Variants in DNAH14 observed in about 807,000 individuals in gnomAD.
The protein encoded by DNAH14 is axonemal beta dynein heavy chain 14.
DNAH14 carries 478 observed loss-of-function variants against 520.9 expected under a neutral mutation model. That is an observed-to-expected ratio of 0.92 (90% CI 0.85 to 0.99). The LOEUF is 0.99. Among genes scored for constraint, DNAH14 ranks in the 50% least tolerant of loss-of-function variants. DNAH14 has a pLI of 0.00. For synonymous variants in DNAH14, 1,581 were observed against 1,757.2 expected (o/e 0.90, Z 2.51); for missense variants, 4,831 against 5,234.5 (o/e 0.92, Z 2.38).
intron 41 of DNAH14, among the ~76,000 whole-genome samples, chr1:225,216,712 C>T (rs1370485698): frequency 2.6e-5 from 4 of 152,180 alleles, no homozygotes; most frequent in Admixed American, 2.0e-4. Flanking sequence ...GTGCATCTGT[C>T]ATGTAGTTCT....
intron 15 of DNAH14, among the ~76,000 whole-genome samples, chr1:225,049,754 C>G (rs1218211291): frequency 1.4e-5 from 2 of 143,466 alleles, no homozygotes; most frequent in Non-Finnish European, 3.0e-5. Flanking sequence ...GTTTGTTTAT[C>G]TATCTGTCTA....
rs568161689 is a variant in DNAH14 at position 225,117,916 on chromosome 1, A to G, written c.4008A>G (p.Gln1336=). Residue 1336 remains glutamine (Q), a synonymous_variant, in exon 25 of 86, where the codon CAA becomes CAG. Coordinates refer to ENST00000682510, the MANE Select transcript of DNAH14 (RefSeq NM_001367479.1). ...TGAAATGCTTTGAAAATATAAAACA[A>G]TTATTGATATGGAAACAAGACATTG... The part of the protein sequence containing the change: ...HLVKCFENIK[Q]LLIWKQDIGP... The G allele has an allele frequency of 4.3e-5, 67 of 1,551,048 alleles. No individual in the cohort carries two copies. The African/African-American group carries it at 8.5e-4, about 20-fold the overall frequency.
chr1:225,105,371 G>A (rs964134836), intron 23 of DNAH14, among the ~76,000 whole-genome samples: 28 of 152,266 alleles, frequency 1.8e-4, no homozygotes, highest in African/African-American at 5.8e-4. Flanking sequence ...TGTTGATTTG[G>A]GGTGGAGAGT....
intron 38 of DNAH14, among the ~76,000 whole-genome samples, chr1:225,196,095 G>C (rs2086097044): frequency 6.6e-6 from 1 of 151,958 alleles, no homozygotes; most frequent in Admixed American, 6.6e-5. Context: ...GTGGTGATTT[G>C]CGAGATTTTG....
chr1:225,008,079 C>T (rs2064335127), intron 10 of DNAH14, among the ~76,000 whole-genome samples: 1 of 152,012 alleles, frequency 6.6e-6, no homozygotes, highest in East Asian at 1.9e-4. Flanking sequence ...CCCCTTACCC[C>T]CAACCCCGCG....
chr1:225,068,584 G>A (rs893905623), intron 17 of DNAH14, among the ~76,000 whole-genome samples: 12 of 152,186 alleles, frequency 7.9e-5, no homozygotes, highest in Non-Finnish European at 1.6e-4. Context: ...CATGAGCATG[G>A]AATGTTTCTC....
At chr1:225,147,921 A>T (rs2080104879) in intron 31 of DNAH14, among the ~76,000 whole-genome samples, 1 of 152,194 alleles carries the variant, frequency 6.6e-6, no homozygotes, top group Admixed American at 6.5e-5. Flanking sequence ...TGCTTTGGAT[A>T]ATGGCTTCCA....
At chr1:225,351,905 T>C (rs1173437456) in intron 72 of DNAH14, 22 bp downstream of exon 72, 3 of 1,530,046 alleles carry the variant, frequency 2.0e-6, no homozygotes, top group East Asian at 4.9e-5. Flanking sequence ...TTCAGTGTTT[T>C]AACCTAACTT....
chr1:225,267,292 C>CTTTT (rs776025994), intron 49 of DNAH14, among the ~76,000 whole-genome samples: 13 of 131,364 alleles, frequency 9.9e-5, no homozygotes, highest in East Asian at 2.3e-4. Context: ...GAATGGCTTC[C>CTTTT]TTTTTTTTTT....
intron 60 of DNAH14, among the ~76,000 whole-genome samples, chr1:225,312,999 A>G (rs1163101271): frequency 6.6e-6 from 1 of 152,182 alleles, no homozygotes; most frequent in Non-Finnish European, 1.5e-5. Flanking sequence ...ATTGTTCAAA[A>G]TAGTTTCAGA....
intron 26 of DNAH14, among the ~76,000 whole-genome samples, chr1:225,119,530 C>T (rs2148872122): frequency 6.6e-6 from 1 of 152,188 alleles, no homozygotes; most frequent in Non-Finnish European, 1.5e-5. Flanking sequence ...AGAGTGTTTA[C>T]ATGCACAACC....
intron 1 of DNAH14, among the ~76,000 whole-genome samples, chr1:224,935,375 A>G (rs1328263326): frequency 6.6e-6 from 1 of 151,926 alleles, no homozygotes; most frequent in Non-Finnish European, 1.5e-5. Context: ...ATAGATTGAA[A>G]GTAAAGGGAT....
At chr1:225,169,769 C>A (rs114928540) in intron 36 of DNAH14, among the ~76,000 whole-genome samples, 1 of 152,050 alleles carries the variant, frequency 6.6e-6, no homozygotes, top group Non-Finnish European at 1.5e-5. Context: ...TAATGGAGAA[C>A]GCCACAAAGA....
At chr1:225,208,582 A>G (rs904739128) in intron 41 of DNAH14, among the ~76,000 whole-genome samples, 3 of 152,196 alleles carry the variant, frequency 2.0e-5, no homozygotes, top group Admixed American at 6.5e-5. Context: ...CTCCAGAAAG[A>G]TATAGTAAAA....
At position 225,050,282 on chromosome 1, in the gene DNAH14, C is replaced by T. The variant is rs2068416648; in HGVS notation, c.1985C>T (p.Pro662Leu). Residue 662 changes from proline to leucine, a missense_variant, in exon 16 of 86, where the codon CCT (proline) becomes CTT (leucine). By Grantham distance (98) the Pro-to-Leu change is moderately conservative. Coordinates refer to ENST00000682510, the MANE Select transcript of DNAH14 (RefSeq NM_001367479.1). ...GATTTGGTTTCAATAATGGATTTACCTAATAAGACAGGAAGCATAATACAT... is the reference window on the plus strand; with the variant it reads ...GATTTGGTTTCAATAATGGATTTACTTAATAAGACAGGAAGCATAATACAT... The part of the protein sequence containing the change: ...FIDLVSIMDL[P>L]NKTGSIIHYK... The T allele has an allele frequency of 1.3e-6, 2 of 1,549,802 alleles. No individual in the cohort carries two copies. Among genetic ancestry groups the T allele is most frequent in the Non-Finnish European group, 1.7e-6 (2 of 1,146,324 alleles).
intron 53 of DNAH14, 114 bp from the exon 54 acceptor site, chr1:225,277,296 G>T: frequency 5.3e-6 from 2 of 377,406 alleles, no homozygotes; most frequent in South Asian, 2.2e-5. Flanking sequence ...TAGATCTAGA[G>T]CTCTGGATTA....
At chr1:225,024,049 G>A in intron 11 of DNAH14, 184 bp downstream of exon 11, 1 of 1,243,204 alleles carries the variant, frequency 8.0e-7, no homozygotes, top group Non-Finnish European at 1.0e-6. Flanking sequence ...TAATATCGGT[G>A]CTATAGGATG....
In DNAH14 at chr1:225,257,685, G is replaced by C. The variant is rs533856088; in HGVS notation, c.6866-275G>C. On this transcript the variant is annotated intron_variant, in intron 44 of 85. Coordinates refer to ENST00000682510, the MANE Select transcript of DNAH14 (RefSeq NM_001367479.1). ...CGAGTAGCTGGGACTGCAGGCGTCT[G>C]CCACCACACCCGGCTAATTTTTTGT... 3.5e-3 allele frequency among the ~76,000 whole-genome samples: 533 copies of C among 151,812 alleles called. 4 individuals carry two copies. The highest frequency in any genetic ancestry group is 0.012 in the African/African-American group (516 of 41,428).
intron 41 of DNAH14, among the ~76,000 whole-genome samples, chr1:225,210,577 G>A (rs1256470305): frequency 1.3e-5 from 2 of 151,880 alleles, no homozygotes; most frequent in Non-Finnish European, 2.9e-5. Context: ...GTTGGCTGCT[G>A]CTTCAGCAGA....
Sources: allele counts gnomAD v4.1 joint callset (sites outside exome capture counted in the v4.1 genomes callset), GRCh38; gene constraint gnomAD v4.1.1; transcripts MANE v1.5; gene names NCBI Gene and HGNC (gene_info 2026-07-23, HGNC 2026-07-21).